Variants in GPC6 observed in about 807,000 individuals in gnomAD.
GPC6 encodes the protein glypican-6.
A neutral mutation model predicts 55.2 loss-of-function variants in GPC6; 14 were observed. The observed-to-expected ratio is 0.25, with a 90% CI of 0.17 to 0.40. The LOEUF (loss-of-function observed/expected upper bound fraction) is 0.40. Among genes scored for constraint, GPC6 ranks in the 10% least tolerant of loss-of-function variants. The pLI is 1.00. For synonymous variants in GPC6, 278 were observed against 259.6 expected, an observed-to-expected ratio of 1.07 and a Z score of -0.68; for missense variants, 641 against 708.5, an observed-to-expected ratio of 0.90 and a Z score of 1.08.
intron 1 of GPC6, among the ~76,000 whole-genome samples, chr13:93,489,133 G>T (rs905137058): frequency 2.0e-5 from 3 of 151,452 alleles, no homozygotes; most frequent in African/African-American, 7.2e-5. Context: ...AATCCATCTT[G>T]AATTAATTTT....
rs539820099 is a variant in GPC6 at position 93,975,761 on chromosome 13, A to G, written c.712-51968A>G. Among the ~76,000 whole-genome samples the G allele has an allele frequency of 1.7e-4, 26 of 152,218 alleles. 1 individual carries two copies. The highest frequency in any genetic ancestry group is 6.3e-4 in the African/African-American group (26 of 41,548). On this transcript the variant is annotated intron_variant, in intron 3 of 8. Transcript: ENST00000377047. The stretch of plus-strand genomic sequence containing the variant: ...CCCATACATTTAGAATGCCATTTAC[A>G]TATTTCTCAAGTCCAGGACATTTTG...
At chr13:94,038,112 CAAAT>C (rs762643769) in intron 4 of GPC6, among the ~76,000 whole-genome samples, 6 of 151,694 alleles carry the variant, frequency 4.0e-5, no homozygotes, top group African/African-American at 1.2e-4. Flanking sequence ...AAATAAATGA[CAAAT>C]AAAATTTGTA....
At chr13:93,692,133 A>T (rs1369779605) in intron 2 of GPC6, among the ~76,000 whole-genome samples, 1 of 152,086 alleles carries the variant, frequency 6.6e-6, no homozygotes, top group Non-Finnish European at 1.5e-5. Flanking sequence ...TCAGTCTATT[A>T]TCAAAATCTT....
chr13:93,523,183 A>G (rs115511098), intron 1 of GPC6, among the ~76,000 whole-genome samples: 8,584 of 145,746 alleles, frequency 0.059, 804 homozygotes, highest in African/African-American at 0.2. Context: ...ACATACATAT[A>G]CACATATATG....
intron 1 of GPC6, among the ~76,000 whole-genome samples, chr13:93,531,785 G>A (rs1050826676): frequency 2.0e-5 from 3 of 152,134 alleles, no homozygotes; most frequent in African/African-American, 2.4e-5. Context: ...CATATACGTT[G>A]TAAAAATTTA....
intron 3 of GPC6, among the ~76,000 whole-genome samples, chr13:93,920,732 C>T (rs955230244): frequency 6.6e-6 from 1 of 152,152 alleles, no homozygotes; most frequent in African/African-American, 2.4e-5. Flanking sequence ...GCTCCTATTC[C>T]CTCACTAGTC....
At chr13:93,261,346 A>G (rs931569782) in intron 1 of GPC6, among the ~76,000 whole-genome samples, 2 of 152,158 alleles carry the variant, frequency 1.3e-5, no homozygotes, top group African/African-American at 4.8e-5. Context: ...AAGACTTTCC[A>G]TCTTTCCAGG....
chr13:94,322,527 T>C (rs1876881983), intron 6 of GPC6, among the ~76,000 whole-genome samples: 1 of 152,188 alleles, frequency 6.6e-6, no homozygotes, highest in Non-Finnish European at 1.5e-5. Flanking sequence ...TGTGGAATAT[T>C]ATGCTCCAGA....
In GPC6 at chr13:93,954,059, A is replaced by G. The variant is rs115625639; in HGVS notation, c.712-73670A>G. Among the ~76,000 whole-genome samples, 631 of 152,140 alleles carry G rather than the reference A, an allele frequency of 4.1e-3. 6 individuals carry two copies. The highest frequency in any genetic ancestry group is 0.015 in the African/African-American group (612 of 41,522). ...CTCTTTGCCCAAGAAGTCACTCCCT[A>G]GTCCTCCCTCACCCCTACCTCCTGG... On this transcript the variant is annotated intron_variant, in intron 3 of 8. Coordinates refer to ENST00000377047, the MANE Select transcript of GPC6 (RefSeq NM_005708.5).
intron 1 of GPC6, among the ~76,000 whole-genome samples, chr13:93,533,108 T>C (rs1406921829): frequency 6.6e-6 from 1 of 152,206 alleles, no homozygotes; most frequent in East Asian, 1.9e-4. Context: ...GGATCATTTA[T>C]AATACCTCTT....
At chr13:93,274,073 C>T (rs1263300200) in intron 1 of GPC6, among the ~76,000 whole-genome samples, 1 of 152,070 alleles carries the variant, frequency 6.6e-6, no homozygotes. Flanking sequence ...GGATTACAGG[C>T]GTGAGCCCCT....
At chr13:94,392,415 A>C (rs1201504129) in intron 7 of GPC6, among the ~76,000 whole-genome samples, 1 of 105,682 alleles carries the variant, frequency 9.5e-6, no homozygotes, top group Non-Finnish European at 1.9e-5. Flanking sequence ...TCTATTTTTA[A>C]TTTTTTTTTT....
At chr13:93,576,351 A>C (rs1277448261) in intron 2 of GPC6, among the ~76,000 whole-genome samples, 1 of 152,188 alleles carries the variant, frequency 6.6e-6, no homozygotes, top group African/African-American at 2.4e-5. Flanking sequence ...TTTTATATTA[A>C]GTGAATATTT....
intron 2 of GPC6, among the ~76,000 whole-genome samples, chr13:93,762,907 A>G (rs1884998212): frequency 1.3e-5 from 2 of 152,198 alleles, no homozygotes; most frequent in Admixed American, 1.3e-4. Context: ...CCCTGTGCCA[A>G]GAAGACATTG....
intron 4 of GPC6, among the ~76,000 whole-genome samples, chr13:94,123,213 T>A (rs1440009599): frequency 1.3e-5 from 2 of 152,170 alleles, no homozygotes; most frequent in South Asian, 2.1e-4. Flanking sequence ...AAATATGCTT[T>A]AAAAATATCT....
At chr13:94,160,469 T>C (rs1888119208) in intron 4 of GPC6, among the ~76,000 whole-genome samples, 1 of 152,148 alleles carries the variant, frequency 6.6e-6, no homozygotes, top group South Asian at 2.1e-4. Flanking sequence ...AAATGAAAAA[T>C]GTAGAGCCCT....
intron 7 of GPC6, among the ~76,000 whole-genome samples, 198 bp downstream of exon 7, chr13:94,382,748 C>T (rs1015013124): frequency 2.0e-5 from 3 of 152,142 alleles, no homozygotes; most frequent in Admixed American, 6.5e-5. Context: ...TGCCATTAAG[C>T]GTGGAATCCT....
intron 1 of GPC6, among the ~76,000 whole-genome samples, chr13:93,422,523 A>G (rs1876959310): frequency 6.6e-6 from 1 of 152,220 alleles, no homozygotes; most frequent in South Asian, 2.1e-4. Context: ...TTATGAAAAC[A>G]AAAATCACCT....
At chr13:94,157,889 A>G (rs147561461) in intron 4 of GPC6, among the ~76,000 whole-genome samples, 1 of 152,144 alleles carries the variant, frequency 6.6e-6, no homozygotes, top group Non-Finnish European at 1.5e-5. Context: ...GCCATGATTG[A>G]ATGTGCACAC....
Sources: allele counts gnomAD v4.1 joint callset (sites outside exome capture counted in the v4.1 genomes callset), GRCh38; gene constraint gnomAD v4.1.1; transcripts MANE v1.5; gene names NCBI Gene and HGNC (gene_info 2026-07-23, HGNC 2026-07-21).